The following ADGRG2 variants were observed in gnomAD, a reference collection of about 807,000 sequenced individuals.
ADGRG2 encodes the protein adhesion G protein-coupled receptor G2.
Under a neutral mutation model 74.1 loss-of-function variants are expected in ADGRG2, and 26 were observed. That is an observed-to-expected ratio of 0.35 (90% CI 0.26 to 0.49). The LOEUF is 0.49. Among genes scored for constraint, ADGRG2 ranks in the 20% least tolerant of loss-of-function variants. The probability of loss-of-function intolerance (pLI) is 0.99; values close to 1 mark genes in which losing one functional copy is unlikely to be tolerated. For synonymous variants in ADGRG2, 296 were observed against 295.2 expected (o/e 1.00, Z -0.03); for missense variants, 619 against 763.1 (o/e 0.81, Z 2.22).
chrX:19,070,610 C>T (rs2061638807), intron 2 of ADGRG2, among the ~76,000 whole-genome samples: 1 of 112,023 alleles, frequency 8.9e-6, no homozygotes, highest in Non-Finnish European at 1.9e-5. Context: ...GCCAACTGGG[C>T]AGGCTCCCTC....
At chrX:19,008,148 AT>A in intron 18 of ADGRG2, 25 bp from the exon 19 acceptor site, 1 of 1,132,298 alleles carries the variant, frequency 8.8e-7, no homozygotes, top group Non-Finnish European at 1.2e-6. Context: ...GAAGATAAGA[AT>A]AAATGTCTGG....
chrX:19,063,779 T>G lies in ADGRG2; in HGVS notation c.118+4938A>C, dbSNP rs536403630. ...AGAAGCAAGCACTGGGGAGGGGGAT[T>G]TAATTCTTCCGAGGTCAGGGCAGGT... On this transcript the variant is annotated intron_variant, in intron 3 of 28. Coordinates refer to ENST00000379869, the MANE Select transcript of ADGRG2 (RefSeq NM_001079858.3). Among the ~76,000 whole-genome samples, 5 of 111,828 alleles carry G rather than the reference T, an allele frequency of 4.5e-5. No homozygotes were observed. The South Asian group carries it at 1.9e-3, about 42-fold the overall frequency.
intron 16 of ADGRG2, among the ~76,000 whole-genome samples, chrX:19,011,661 G>A (rs1419718399): frequency 9.0e-6 from 1 of 111,468 alleles, no homozygotes; most frequent in Non-Finnish European, 1.9e-5. Flanking sequence ...GGCCAACATG[G>A]GGGAACCCTG....
At chrX:19,082,072 C>CAAAAAAAAAAAAAAAAAAAAAA (rs57534658) in intron 2 of ADGRG2, among the ~76,000 whole-genome samples, 4 of 21,186 alleles carry the variant, frequency 1.9e-4, no homozygotes, top group Non-Finnish European at 2.7e-4. Context: ...GACCCTGTCT[C>CAAAAAAAAAAAAAAAAAAAAAA]AAAAAAAAAA....
chrX:19,025,573 G>A (rs1204435622), intron 11 of ADGRG2, among the ~76,000 whole-genome samples: 1 of 110,042 alleles, frequency 9.1e-6, no homozygotes, highest in Non-Finnish European at 1.9e-5. Context: ...ATGCCAAGTT[G>A]TATTCTAATT....
intron 24 of ADGRG2, among the ~76,000 whole-genome samples, chrX:19,002,447 C>T (rs369161605): frequency 1.8e-5 from 2 of 111,987 alleles, no homozygotes; most frequent in South Asian, 3.7e-4. Flanking sequence ...CTGGGAGGTA[C>T]AAAGTAGAAT....
chrX:19,119,618 G>A (rs1232674122), intron 1 of ADGRG2, among the ~76,000 whole-genome samples: 1 of 111,294 alleles, frequency 9.0e-6, no homozygotes, highest in Non-Finnish European at 1.9e-5. Context: ...ATTTGAAAGC[G>A]ACTTGGCACG....
At chrX:19,017,365 G>C (rs2060490463) in intron 15 of ADGRG2, among the ~76,000 whole-genome samples, 1 of 112,144 alleles carries the variant, frequency 8.9e-6, no homozygotes, top group African/African-American at 3.2e-5. Flanking sequence ...ATCTGCTCTG[G>C]AACACGGATA....
intron 9 of ADGRG2, among the ~76,000 whole-genome samples, chrX:19,029,996 A>AT (rs2060792370): frequency 8.9e-6 from 1 of 112,172 alleles, no homozygotes. Flanking sequence ...AAATGAGCAA[A>AT]TCTTATATTC....
rs2060646152 is a variant in ADGRG2, at chrX:19,023,939, C to G, written c.480G>C (p.Glu160Asp). 8.5e-7 allele frequency: 1 copy of G among 1,177,508 alleles called. No homozygotes were observed. The highest frequency in any genetic ancestry group is 1.2e-6 in the Non-Finnish European group (1 of 866,363). ...TTAGGGTTTGCAGGGTTTTGTTGAGCTCTGAGCGTCTGTAATAAAATGAGA... is the reference window on the plus strand; with the variant it reads ...TTAGGGTTTGCAGGGTTTTGTTGAGGTCTGAGCGTCTGTAATAAAATGAGA... ...VLSLSELKRS[E>D]LNKTLQTLSE... Residue 160 changes from glutamate to aspartate, a missense_variant, in exon 12 of 29, where the codon GAG becomes GAC. Physicochemically the swap from Glu to Asp is conservative, Grantham distance 45. Coordinates refer to ENST00000379869, the MANE Select transcript of ADGRG2 (RefSeq NM_001079858.3).
chrX:19,002,776 G>T, intron 24 of ADGRG2, 70 bp downstream of exon 24: 2 of 1,028,770 alleles, frequency 1.9e-6, no homozygotes, highest in Non-Finnish European at 2.7e-6. Flanking sequence ...GTTTCCACCT[G>T]CTCAAAAATC....
rs112061028 is a variant in ADGRG2, at chrX:19,012,791, C to T, written c.1099+895G>A. 5.6e-3 allele frequency among the ~76,000 whole-genome samples: 617 copies of T among 110,853 alleles called. 5 individuals are homozygous for T. Among genetic ancestry groups the T allele is most frequent in the African/African-American group, 0.019 (576 of 30,479 alleles). On this transcript the variant is annotated intron_variant, in intron 16 of 28. Coordinates refer to ENST00000379869, the MANE Select transcript of ADGRG2 (RefSeq NM_001079858.3). ...GGTACCAAAATCAATCTAATGTCAC[C>T]AAAAACTTGGCTTTGCCTCCCCCAT...
intron 7 of ADGRG2, chrX:19,034,674 C>T (rs770438892): frequency 8.9e-6 from 1 of 112,320 alleles, no homozygotes; most frequent in East Asian, 2.8e-4. Flanking sequence ...GTGGCTCACG[C>T]CTGTAATCCC....
chrX:18,993,812 C>G (rs2059968008), intron 28 of ADGRG2, among the ~76,000 whole-genome samples: 1 of 111,881 alleles, frequency 8.9e-6, no homozygotes, highest in African/African-American at 3.3e-5. Context: ...AACTAACATC[C>G]TAAAACAATG....
chrX:19,104,655 G>A (rs1003994567), intron 1 of ADGRG2, among the ~76,000 whole-genome samples: 28 of 111,661 alleles, frequency 2.5e-4, no homozygotes, highest in African/African-American at 9.1e-4. Context: ...GCTCATGCCT[G>A]TAATCCCAAC....
rs764674792 is a variant in ADGRG2, at chrX:19,023,185, G to A, written c.548+231C>T. Among the ~76,000 whole-genome samples the A allele has an allele frequency of 2.7e-5, 3 of 110,617 alleles. No homozygotes were observed. In the South Asian group the frequency reaches 1.2e-3, roughly 43 times the overall value. On this transcript the variant is annotated intron_variant, in intron 13 of 28. Coordinates refer to ENST00000379869, the MANE Select transcript of ADGRG2 (RefSeq NM_001079858.3). Reference sequence around the variant, plus strand: ...GACCCTTAGCCTTGTGGAACCGGAGGTAAATGGCCCGATACTACACACTTC... The same window carrying A: ...GACCCTTAGCCTTGTGGAACCGGAGATAAATGGCCCGATACTACACACTTC...
rs139451875 is a variant in ADGRG2 at position 19,012,948 on chromosome X, C to T, written c.1099+738G>A. Among the ~76,000 whole-genome samples the T allele has an allele frequency of 6.8e-3, 763 of 111,672 alleles. 1 individual carries two copies. The highest frequency in any genetic ancestry group is 0.017 in the South Asian group (44 of 2,655). The stretch of plus-strand genomic sequence containing the variant: ...TAAGCCCACTTTGGACCCTGGAGGC[C>T]TTGGCGGTTTCCACAGCATTCTCAC... On this transcript the variant is annotated intron_variant, in intron 16 of 28. Transcript: ENST00000379869.
intron 3 of ADGRG2, among the ~76,000 whole-genome samples, chrX:19,049,438 G>GTTTTTTTTTTTTTTTTTT (rs752686975): frequency 1.1e-4 from 9 of 82,151 alleles, no homozygotes; most frequent in African/African-American, 5.1e-4. Context: ...CGTTTTTTGT[G>GTTTTTTTTTTTTTTTTTT]TTTTTTTTTT....
intron 16 of ADGRG2, among the ~76,000 whole-genome samples, chrX:19,012,419 G>T (rs113924716): frequency 0.026 from 2,877 of 110,690 alleles, 46 homozygotes; most frequent in African/African-American, 0.066. Flanking sequence ...CAATTTTACT[G>T]TATTCTTCAT....
Sources: allele counts gnomAD v4.1 joint callset (sites outside exome capture counted in the v4.1 genomes callset), GRCh38; gene constraint gnomAD v4.1.1; transcripts MANE v1.5; gene names NCBI Gene and HGNC (gene_info 2026-07-23, HGNC 2026-07-21).